SLCO2B1: variants seen among roughly 807,000 people sequenced by gnomAD.
The protein encoded by SLCO2B1 is OATP-RP2.
A neutral mutation model predicts 67.3 loss-of-function variants in SLCO2B1; 41 were observed. That is an observed-to-expected ratio of 0.61 (90% CI 0.47 to 0.79). SLCO2B1 has a LOEUF of 0.79. Ranked by LOEUF, SLCO2B1 falls within the 30% of genes least tolerant of loss-of-function variation. SLCO2B1 has a pLI of 0.00. For missense variants in SLCO2B1, 837 were observed against 920.1 expected (o/e 0.91, Z 1.17); for synonymous variants, 379 against 381.4 (o/e 0.99, Z 0.07).
chr11:75,162,849 G>A (rs1949839166), intron 2 of SLCO2B1, 64 bp downstream of exon 2: 38 of 1,549,350 alleles, frequency 2.5e-5, no homozygotes, highest in Non-Finnish European at 3.3e-5. Flanking sequence ...ACGTGCTGGT[G>A]GTGTAATGCC....
In SLCO2B1 at chr11:75,202,942, A is replaced by G; in HGVS notation, c.1805A>G (p.Gln602Arg). 1.2e-6 allele frequency: 2 copies of G among 1,613,956 alleles called. No homozygotes were observed. The highest frequency in any genetic ancestry group is 1.7e-5 in the Admixed American group (1 of 60,002). ...GACAAGACTTTGGCTGTGGGCATCC[A>G]GTTCATGTTCCTGAGGATTTTGGGT... ...KEDKTLAVGI[Q>R]FMFLRILAWM... The change falls in exon 12 of 14, where the codon CAG becomes CGG. Residue 602 changes from glutamine (Q) to arginine (R), a missense_variant. Physicochemically the swap from Gln to Arg is conservative, Grantham distance 43 (BLOSUM62 1). Coordinates refer to ENST00000289575, the MANE Select transcript of SLCO2B1 (RefSeq NM_007256.5).
chr11:75,169,532 C>T, intron 5 of SLCO2B1, 126 bp downstream of exon 5: 1 of 1,199,118 alleles, frequency 8.3e-7, no homozygotes, highest in Non-Finnish European at 1.2e-6. Flanking sequence ...AGTAAAGGTC[C>T]AGGGAAGCCC....
rs779154500 is a variant in SLCO2B1, at chr11:75,176,139, T to C, written c.972+3570T>C. On this transcript the variant is annotated intron_variant, in intron 7 of 13. Transcript: ENST00000289575. ...GGCCCATGGACTCCTGGCAGATGGC[T>C]CTGCAGGGTCTGTGGGGTAAAGATG... 3.0e-4 allele frequency among the ~76,000 whole-genome samples: 45 copies of C among 152,170 alleles called. 1 individual carries two copies. Among genetic ancestry groups the C allele is most frequent in the Non-Finnish European group, 4.7e-4 (32 of 68,018 alleles).
intron 7 of SLCO2B1, among the ~76,000 whole-genome samples, chr11:75,185,048 A>G (rs1237910101): frequency 6.6e-6 from 1 of 152,192 alleles, no homozygotes; most frequent in Non-Finnish European, 1.5e-5. Context: ...AAAAAAGTCC[A>G]AGGGAACACA....
chr11:75,201,451 C>T (rs1024843242), intron 11 of SLCO2B1: 2 of 152,182 alleles, frequency 1.3e-5, no homozygotes, highest in Non-Finnish European at 2.9e-5. Context: ...AGCCAGTGTC[C>T]CCCAATTCTA....
chr11:75,188,115 T>C (rs1944965163), intron 7 of SLCO2B1, 21 bp from the exon 8 acceptor site: 1 of 1,586,718 alleles, frequency 6.3e-7, no homozygotes, highest in Non-Finnish European at 8.6e-7. Flanking sequence ...CGGACTGTCC[T>C]TGGTTTTGTG....
chr11:75,155,592 GGATTA>G (rs1381623440), intron 1 of SLCO2B1, among the ~76,000 whole-genome samples: 1 of 152,110 alleles, frequency 6.6e-6, no homozygotes, highest in Non-Finnish European at 1.5e-5. Context: ...CAAGTAGCGG[GGATTA>G]CAGGCACATG....
At position 75,169,161 on chromosome 11, in the gene SLCO2B1, G is replaced by T; in HGVS notation, c.449-12G>T. ...GCTATTGTTATAATATTTTTTCATTGTCGTCTCTCAGAGGATATGCCACAG... is the reference window on the plus strand; with the variant it reads ...GCTATTGTTATAATATTTTTTCATTTTCGTCTCTCAGAGGATATGCCACAG... On this transcript the variant is annotated splice_polypyrimidine_tract_variant and intron_variant, in intron 4 of 13. Transcript: ENST00000289575. The T allele has an allele frequency of 1.9e-6, 3 of 1,593,910 alleles. No individual in the cohort carries two copies. The highest frequency in any genetic ancestry group is 1.7e-6 in the Non-Finnish European group (2 of 1,166,132).
At chr11:75,172,927 T>A (rs563509343) in intron 7 of SLCO2B1, among the ~76,000 whole-genome samples, 1 of 138,116 alleles carries the variant, frequency 7.2e-6, no homozygotes, top group South Asian at 2.4e-4. Context: ...AGACTCCGTC[T>A]CAAAAAAAAA....
At chr11:75,188,448 A>G (rs1944969690) in intron 8 of SLCO2B1, among the ~76,000 whole-genome samples, 2 of 152,284 alleles carry the variant, frequency 1.3e-5, no homozygotes, top group South Asian at 4.1e-4. Flanking sequence ...CCTATGGGCC[A>G]GGCATTGCGG....
intron 7 of SLCO2B1, among the ~76,000 whole-genome samples, chr11:75,175,773 T>A (rs1950016220): frequency 3.3e-5 from 5 of 151,350 alleles, no homozygotes; most frequent in Admixed American, 3.3e-4. Flanking sequence ...CCCGAGGAGG[T>A]CTGAGAAGGT....
rs1227070902 is a variant in SLCO2B1, at chr11:75,165,864, G to A, written c.363G>A (p.Gly121=). The change falls in exon 4 of 14, where the codon GGG becomes GGA. Residue 121 remains glycine, a synonymous_variant. Coordinates refer to ENST00000289575, the MANE Select transcript of SLCO2B1 (RefSeq NM_007256.5). The part of the protein sequence containing the change: ...RVHRPRMIGY[G]AILVALAGLL... ...ACCGACCCCGAATGATTGGCTATGG[G>A]GCTATCCTTGTGGCCCTGGCGGGCC... 1 of 1,614,182 alleles carries A rather than the reference G, an allele frequency of 6.2e-7. No homozygotes were observed. Among genetic ancestry groups the A allele is most frequent in the Non-Finnish European group, 8.5e-7 (1 of 1,180,016 alleles).
intron 3 of SLCO2B1, 146 bp downstream of exon 3, chr11:75,164,246 C>T (rs1213146813): frequency 2.2e-6 from 2 of 892,570 alleles, no homozygotes; most frequent in Non-Finnish European, 1.7e-6. Context: ...TGCCTGAAAC[C>T]TCAGAGCGTT....
In SLCO2B1 at chr11:75,204,684, C is replaced by T. The variant is rs1591842165; in HGVS notation, c.*104C>T. The T allele has an allele frequency of 1.2e-4, 119 of 995,690 alleles. 1 individual carries two copies. In the East Asian group the frequency reaches 3.3e-3, roughly 28 times the overall value. 61.7% of individuals were successfully genotyped at this position (995,690 alleles called of 1,614,324 possible). On this transcript the variant is annotated 3_prime_UTR_variant, in exon 14 of 14. Coordinates refer to ENST00000289575, the MANE Select transcript of SLCO2B1 (RefSeq NM_007256.5). The stretch of plus-strand genomic sequence containing the variant: ...TCAAGAGCCCTGTGTTCCATTCTGG[C>T]TCCTCCACTAAATTGCTGTGTGACT...
chr11:75,157,444 G>C (rs763082509), intron 1 of SLCO2B1, among the ~76,000 whole-genome samples: 57 of 152,214 alleles, frequency 3.7e-4, no homozygotes, highest in Non-Finnish European at 7.6e-4. Flanking sequence ...CTGCATGGTA[G>C]CTGGGGGCTT....
At chr11:75,170,585 G>A (rs1949947120) in intron 6 of SLCO2B1, among the ~76,000 whole-genome samples, 1 of 152,172 alleles carries the variant, frequency 6.6e-6, no homozygotes, top group Non-Finnish European at 1.5e-5. Flanking sequence ...CCAGGTCCTG[G>A]GAGCCTCAGG....
At chr11:75,189,171 T>C (rs573813349) in intron 8 of SLCO2B1, among the ~76,000 whole-genome samples, 1 of 152,348 alleles carries the variant, frequency 6.6e-6, no homozygotes, top group African/African-American at 2.4e-5. Context: ...GTACACATTA[T>C]GACCAGGCCA....
Position 75,192,027 on chromosome 11 carries a change from T to C in SLCO2B1, c.1076-1191T>C, listed in dbSNP as rs190777132. On this transcript the variant is annotated intron_variant, in intron 8 of 13. Transcript: ENST00000289575. Reference sequence around the variant, plus strand: ...ATTTTTTGCCAAAACAGTCACTTTTTTTCCTAACTCCAAGCATTTGCCCCT... The same window carrying C: ...ATTTTTTGCCAAAACAGTCACTTTTCTTCCTAACTCCAAGCATTTGCCCCT... Among the ~76,000 whole-genome samples, 400 of 152,238 alleles carry C rather than the reference T, an allele frequency of 2.6e-3. 2 individuals are homozygous for C. The highest frequency in any genetic ancestry group is 4.3e-3 in the Non-Finnish European group (294 of 68,014).
chr11:75,154,932 A>T (rs190768834), intron 1 of SLCO2B1, among the ~76,000 whole-genome samples: 1 of 152,232 alleles, frequency 6.6e-6, no homozygotes. Context: ...GCCTTGAGCC[A>T]TAGCTGCCTA....
Sources: allele counts gnomAD v4.1 joint callset (sites outside exome capture counted in the v4.1 genomes callset), GRCh38; gene constraint gnomAD v4.1.1; transcripts MANE v1.5; gene names NCBI Gene and HGNC (gene_info 2026-07-23, HGNC 2026-07-21).